MYOT: variants seen among roughly 807,000 people sequenced by gnomAD.
MYOT encodes myotilin.
Under a neutral mutation model 58.0 loss-of-function variants are expected in MYOT, and 36 were observed. The observed-to-expected ratio is 0.62, with a 90% CI of 0.48 to 0.82. The LOEUF (loss-of-function observed/expected upper bound fraction) is 0.82. Ranked by LOEUF, MYOT falls within the 40% of genes least tolerant of loss-of-function variation. The pLI, the probability that MYOT is intolerant of heterozygous loss-of-function variation, is 0.00. For missense variants in MYOT, 505 were observed against 592.1 expected (o/e 0.85, Z 1.53); for synonymous variants, 218 against 204.6 (o/e 1.07, Z -0.56).
At chr5:137,880,546 C>G (rs1255669703) in intron 4 of MYOT, 2 of 377,176 alleles carry the variant, frequency 5.3e-6, no homozygotes, top group African/African-American at 4.2e-5. Context: ...AAATAGTCAT[C>G]TGAAAAATGA....
At chr5:137,879,662 C>A (rs1034197143) in intron 4 of MYOT, among the ~76,000 whole-genome samples, 13 of 142,106 alleles carry the variant, frequency 9.1e-5, no homozygotes, top group Non-Finnish European at 1.7e-4. Flanking sequence ...GTAGCTGGGA[C>A]TACAGGCACC....
chr5:137,887,505 T>TAATATTATA lies in MYOT; in HGVS notation c.*125_*126insTATAAATAT. The TAATATTATA allele has an allele frequency of 2.8e-6, 2 of 717,918 alleles. No individual in the cohort carries two copies. Among genetic ancestry groups the TAATATTATA allele is most frequent in the Non-Finnish European group, 4.2e-6 (2 of 473,384 alleles). The allele number at this position is 717,918 out of a possible 1,614,324, so 44.5% of individuals were successfully genotyped here. On this transcript the variant is annotated 3_prime_UTR_variant, in exon 10 of 10. Coordinates refer to ENST00000239926, the MANE Select transcript of MYOT (RefSeq NM_006790.3). ...TATGGTTTTAATTAGGTAATATAGTTAATATATATTTATAATATTATTTAT... is the reference window on the plus strand; with the variant it reads ...TATGGTTTTAATTAGGTAATATAGTTAATATTATAAATATATATTTATAATATTATTTAT...
intron 3 of MYOT, among the ~76,000 whole-genome samples, chr5:137,876,474 G>C (rs796213408): frequency 2.0e-5 from 3 of 152,180 alleles, no homozygotes; most frequent in Non-Finnish European, 4.4e-5. Context: ...CTCTCAATCA[G>C]AAGTTAGTAC....
At chr5:137,883,783 T>C (rs1561664397) in intron 7 of MYOT, among the ~76,000 whole-genome samples, 192 bp downstream of exon 7, 1 of 152,162 alleles carries the variant, frequency 6.6e-6, no homozygotes, top group Non-Finnish European at 1.5e-5. Flanking sequence ...CATACATATA[T>C]AGATATGTGA....
chr5:137,870,902 G>C lies in MYOT; in HGVS notation c.251G>C (p.Arg84Thr). The change falls in exon 2 of 10, where the codon AGG becomes ACG. Residue 84 changes from arginine (R) to threonine (T), a missense_variant. Transcript: ENST00000239926. Reference protein sequence around the residue: ...QQHAGSNPGQRVTTTYNQSPA... With the variant: ...QQHAGSNPGQTVTTTYNQSPA... ...CATGCTGGCTCCAACCCAGGCCAAA[G>C]GGTTACAACCACCTATAACCAGTCC... The C allele has an allele frequency of 6.2e-7, 1 of 1,614,126 alleles. No homozygotes were observed. The highest frequency in any genetic ancestry group is 2.2e-5 in the East Asian group (1 of 44,886).
At chr5:137,886,235 T>G in intron 8 of MYOT, 22 bp downstream of exon 8, 1 of 1,566,994 alleles carries the variant, frequency 6.4e-7, no homozygotes, top group Non-Finnish European at 8.8e-7. Flanking sequence ...ATTTCTAGAC[T>G]TACTATAGTT....
chr5:137,883,315 T>C, intron 6 of MYOT, 69 bp from the exon 7 acceptor site: 1 of 1,313,340 alleles, frequency 7.6e-7, no homozygotes, highest in Non-Finnish European at 1.1e-6. Context: ...TAAATTCATA[T>C]ATGGACAAAT....
intron 2 of MYOT, among the ~76,000 whole-genome samples, chr5:137,872,750 A>G (rs1188616967): frequency 6.6e-6 from 1 of 152,202 alleles, no homozygotes; most frequent in Non-Finnish European, 1.5e-5. Context: ...TTAGATTTTC[A>G]TCAATAGGAA....
At chr5:137,872,064 A>C (rs569354069) in intron 2 of MYOT, among the ~76,000 whole-genome samples, 3 of 152,338 alleles carry the variant, frequency 2.0e-5, no homozygotes, top group African/African-American at 4.8e-5. Context: ...TTGCAAAAAA[A>C]AACCTTTTCA....
In MYOT at chr5:137,882,089, G is replaced by C; in HGVS notation, c.800G>C (p.Cys267Ser). The C allele has an allele frequency of 1.2e-6, 2 of 1,614,196 alleles. No homozygotes were observed. Among genetic ancestry groups the C allele is most frequent in the African/African-American group, 2.7e-5 (2 of 75,072 alleles). The part of the protein sequence containing the change: ...ENMSIDEGRF[C>S]RMDFKVSGLP... Reference sequence around the variant, plus strand: ...ATGTCGATTGATGAAGGAAGATTCTGCAGAATGGACTTCAAAGTAAGAGAA... The same window carrying C: ...ATGTCGATTGATGAAGGAAGATTCTCCAGAATGGACTTCAAAGTAAGAGAA... Residue 267 changes from cysteine (C) to serine (S), a missense_variant, in exon 6 of 10, where the codon TGC becomes TCC. Transcript: ENST00000239926.
intron 2 of MYOT, among the ~76,000 whole-genome samples, chr5:137,874,132 G>A (rs998630769): frequency 6.6e-6 from 1 of 152,114 alleles, no homozygotes; most frequent in Non-Finnish European, 1.5e-5. Context: ...ACTCATTGAG[G>A]GCAGTGGCTA....
In MYOT at chr5:137,887,424, T is replaced by A. The variant is rs771581150; in HGVS notation, c.*39T>A. 6.3e-7 allele frequency: 1 copy of A among 1,595,216 alleles called. No individual in the cohort carries two copies. The highest frequency in any genetic ancestry group is 8.6e-7 in the Non-Finnish European group (1 of 1,163,870). ...ATTGGAAAACAGCCAACTACACCAT[T>A]AGTAATATATTTGATTACATTTTTT... On this transcript the variant is annotated 3_prime_UTR_variant, in exon 10 of 10. Coordinates refer to ENST00000239926, the MANE Select transcript of MYOT (RefSeq NM_006790.3).
intron 4 of MYOT, among the ~76,000 whole-genome samples, chr5:137,877,825 A>C (rs1264914594): frequency 1.3e-5 from 2 of 152,224 alleles, no homozygotes; most frequent in African/African-American, 2.4e-5. Flanking sequence ...ACCTGGATAC[A>C]CAACGTCACA....
chr5:137,883,837 T>A (rs1014863883), intron 7 of MYOT, among the ~76,000 whole-genome samples: 1 of 152,094 alleles, frequency 6.6e-6, no homozygotes, highest in East Asian at 1.9e-4. Flanking sequence ...TCACCAAAGC[T>A]TTTCTGGAAA....
chr5:137,879,104 T>C (rs952567224), intron 4 of MYOT, among the ~76,000 whole-genome samples: 1 of 152,188 alleles, frequency 6.6e-6, no homozygotes, highest in African/African-American at 2.4e-5. Context: ...TGGCTAGTTT[T>C]TGTATTTTTT....
intron 7 of MYOT, 97 bp from the exon 8 acceptor site, chr5:137,885,951 A>C: frequency 1.2e-6 from 1 of 810,176 alleles, no homozygotes; most frequent in Admixed American, 2.7e-5. Flanking sequence ...GCTTTTTAAC[A>C]TTTTAATATC....
rs1755394726 is a variant in MYOT, at chr5:137,880,599, C to T, written c.634-217C>T. 8.5e-6 allele frequency: 4 copies of T among 470,524 alleles called. No homozygotes were observed. In the South Asian group the frequency reaches 8.9e-5, roughly 11 times the overall value. The allele number at this position is 470,524 out of a possible 1,614,324, so 29.1% of individuals were successfully genotyped here. A position where few individuals can be genotyped will look rare whatever the true frequency, so the allele number is the denominator to read the frequency against. On this transcript the variant is annotated intron_variant, in intron 4 of 9. Coordinates refer to ENST00000239926, the MANE Select transcript of MYOT (RefSeq NM_006790.3). ...GTCTAGCTAATTTTCATAAATAATACTTGTTGAATAGTCCCATTAATTCTG... is the reference window on the plus strand; with the variant it reads ...GTCTAGCTAATTTTCATAAATAATATTTGTTGAATAGTCCCATTAATTCTG...
At chr5:137,883,124 A>G in intron 6 of MYOT, 1 of 431,638 alleles carries the variant, frequency 2.3e-6, no homozygotes, top group Non-Finnish European at 4.2e-6. Context: ...CTAAATATAG[A>G]AATTAAGAGT....
At position 137,883,473 on chromosome 5, in the gene MYOT, G is replaced by A; in HGVS notation, c.906G>A (p.Glu302=). 6.2e-7 allele frequency: 1 copy of A among 1,614,046 alleles called. No individual in the cohort carries two copies. Among genetic ancestry groups the A allele is most frequent in the Non-Finnish European group, 8.5e-7 (1 of 1,179,952 alleles). Residue 302 remains glutamate, a synonymous_variant, in exon 7 of 10, where the codon GAG becomes GAA. Coordinates refer to ENST00000239926, the MANE Select transcript of MYOT (RefSeq NM_006790.3). ...ATTTGCACAAAATGATAGTGTCTGAGAAGGGTCTTCATTCACTCATCTTTG... is the reference window on the plus strand; with the variant it reads ...ATTTGCACAAAATGATAGTGTCTGAAAAGGGTCTTCATTCACTCATCTTTG... ...SDDLHKMIVS[E]KGLHSLIFEV... is the part of the protein sequence containing the mutation.
Sources: gnomAD v4.1 joint callset for allele counts (sites outside exome capture counted in the v4.1 genomes callset) on GRCh38, gnomAD v4.1.1 for gene constraint, MANE v1.5 for transcripts, NCBI Gene and HGNC (gene_info 2026-07-23, HGNC 2026-07-21) for gene names.